PARD3B: variants seen among roughly 807,000 people sequenced by gnomAD.
PARD3B encodes par-3 family cell polarity regulator beta, also known as partitioning defective 3 homolog B.
Under a neutral mutation model 130.2 loss-of-function variants are expected in PARD3B, and 103 were observed. The ratio of observed to expected loss-of-function variants is 0.79; its 90% CI spans 0.67 to 0.93. The LOEUF is 0.93. Among genes scored for constraint, PARD3B ranks in the 40% least tolerant of loss-of-function variants. The probability of loss-of-function intolerance (pLI) is 0.00; values close to 1 mark genes in which losing one functional copy is unlikely to be tolerated. For missense variants in PARD3B, 1,609 were observed against 1,499.2 expected, an observed-to-expected ratio of 1.07 and a Z score of -1.21; for synonymous variants, 583 against 553.2, an observed-to-expected ratio of 1.05 and a Z score of -0.76.
At chr2:205,223,629 A>G (rs139452519) in intron 15 of PARD3B, among the ~76,000 whole-genome samples, 2 of 152,216 alleles carry the variant, frequency 1.3e-5, no homozygotes, top group African/African-American at 4.8e-5. Context: ...AAAAAAACCA[A>G]CCAACCAACC....
chr2:205,236,572 T>C (rs2125903982), intron 15 of PARD3B, among the ~76,000 whole-genome samples: 1 of 152,184 alleles, frequency 6.6e-6, no homozygotes, highest in South Asian at 2.1e-4. Context: ...TGTGAGAAAA[T>C]AAATTTGTCC....
At chr2:204,924,275 ACTTT>A (rs992511232) in intron 2 of PARD3B, among the ~76,000 whole-genome samples, 1 of 152,058 alleles carries the variant, frequency 6.6e-6, no homozygotes, top group African/African-American at 2.4e-5. Context: ...GGGAGAAGAT[ACTTT>A]CTTCTTCATG....
chr2:204,631,497 T>C (rs1407971516), intron 1 of PARD3B, among the ~76,000 whole-genome samples: 3 of 152,126 alleles, frequency 2.0e-5, no homozygotes, highest in Admixed American at 6.6e-5. Flanking sequence ...ATCTGCGTGC[T>C]TCAGCCTCCC....
At chr2:205,076,688 G>A (rs559786204) in intron 4 of PARD3B, among the ~76,000 whole-genome samples, 1 of 152,266 alleles carries the variant, frequency 6.6e-6, no homozygotes, top group South Asian at 2.1e-4. Flanking sequence ...ATTGTGAACT[G>A]TGGATCTAGG....
At chr2:205,134,848 C>T (rs1439319388) in intron 10 of PARD3B, among the ~76,000 whole-genome samples, 2 of 151,728 alleles carry the variant, frequency 1.3e-5, no homozygotes, top group African/African-American at 4.9e-5. Context: ...GTATGGCTTC[C>T]AGGTGTCAGA....
chr2:205,424,922 A>G (rs115362313), intron 19 of PARD3B, among the ~76,000 whole-genome samples: 342 of 152,282 alleles, frequency 2.2e-3, no homozygotes, highest in Middle Eastern at 0.01. Context: ...GCAAATATAA[A>G]CTGGGAGAAT....
At chr2:204,825,895 G>C (rs16836646) in intron 2 of PARD3B, among the ~76,000 whole-genome samples, 1 of 152,016 alleles carries the variant, frequency 6.6e-6, no homozygotes, top group Non-Finnish European at 1.5e-5. Flanking sequence ...TCGTTGTTTT[G>C]GTTGTTGAAT....
intron 15 of PARD3B, among the ~76,000 whole-genome samples, chr2:205,215,032 A>G (rs1229744392): frequency 1.3e-5 from 2 of 152,124 alleles, no homozygotes; most frequent in Non-Finnish European, 1.5e-5. Flanking sequence ...GATTGGGAAT[A>G]TCATATCTGT....
rs1467024336 is a variant in PARD3B, at chr2:205,122,228, T to C, written c.1165+279T>C. 6.6e-6 allele frequency among the ~76,000 whole-genome samples: 1 copy of C among 152,200 alleles called. No individual in the cohort carries two copies. The highest frequency in any genetic ancestry group is 1.5e-5 in the Non-Finnish European group (1 of 68,038). On this transcript the variant is annotated intron_variant, in intron 8 of 22. Transcript: ENST00000406610. The surrounding 1 kb of genome is among the most constrained non-coding windows in gnomAD (Gnocchi z 4.3). The stretch of plus-strand genomic sequence containing the variant: ...TGATATCAACAGAGCAATATTGTAT[T>C]ACAACTTAATACCAAATAGGCATGA...
intron 2 of PARD3B, among the ~76,000 whole-genome samples, chr2:204,786,857 C>G (rs767317877): frequency 1.3e-5 from 2 of 151,740 alleles, no homozygotes; most frequent in African/African-American, 2.4e-5. Context: ...AAGCATTTCG[C>G]TCTCATTCTC....
At chr2:205,022,135 GTTATA>G (rs987161266) in intron 3 of PARD3B, among the ~76,000 whole-genome samples, 1 of 152,086 alleles carries the variant, frequency 6.6e-6, no homozygotes, top group Non-Finnish European at 1.5e-5. Context: ...TATTTTAAAT[GTTATA>G]TTATTGTGTC....
chr2:205,018,313 C>T (rs532461301), intron 3 of PARD3B, among the ~76,000 whole-genome samples: 2 of 152,208 alleles, frequency 1.3e-5, no homozygotes, highest in Admixed American at 1.3e-4. Flanking sequence ...ATTGTATCTA[C>T]TTATTTACCT....
chr2:204,861,720 C>T (rs1485984753), intron 2 of PARD3B, among the ~76,000 whole-genome samples: 3 of 151,826 alleles, frequency 2.0e-5, no homozygotes, highest in Non-Finnish European at 4.4e-5. Flanking sequence ...TTTTCTCAGT[C>T]TGTAGAAGAC....
chr2:205,315,983 T>C (rs1252093429), intron 18 of PARD3B, among the ~76,000 whole-genome samples: 3 of 152,132 alleles, frequency 2.0e-5, no homozygotes, highest in Admixed American at 1.3e-4. Context: ...CTTAATGAAA[T>C]TGTAAATTCC....
At chr2:205,126,752 CAAAAAAAAAAAAAAAAAAAAA>C (rs4045004) in intron 10 of PARD3B, among the ~76,000 whole-genome samples, 3 of 74,454 alleles carry the variant, frequency 4.0e-5, no homozygotes, top group South Asian at 5.9e-4. Flanking sequence ...GACTCCGTCT[CAAAAAAAAAAAAAAAAAAAAA>C]AAAAAAAAAA....
At chr2:204,553,229 A>G (rs192779174) in intron 1 of PARD3B, among the ~76,000 whole-genome samples, 58 of 152,304 alleles carry the variant, frequency 3.8e-4, no homozygotes, top group African/African-American at 1.2e-3. Context: ...TCCTGCAAGA[A>G]TGGCCATCAT....
At chr2:204,725,200 CA>C (rs1367868252) in intron 2 of PARD3B, among the ~76,000 whole-genome samples, 4 of 152,024 alleles carry the variant, frequency 2.6e-5, no homozygotes, top group African/African-American at 9.7e-5. Flanking sequence ...CTTAATCAGA[CA>C]GTAGAGGGAA....
At chr2:205,331,782 C>CAAAAAAAAA (rs56654511) in intron 18 of PARD3B, among the ~76,000 whole-genome samples, 503 of 48,246 alleles carry the variant, frequency 0.01, 67 homozygotes, top group East Asian at 0.016. Context: ...GACTCCGTCT[C>CAAAAAAAAA]AAAAAAAAAA....
intron 6 of PARD3B, among the ~76,000 whole-genome samples, chr2:205,117,995 T>C (rs1260516300): frequency 6.6e-6 from 1 of 151,928 alleles, no homozygotes; most frequent in Non-Finnish European, 1.5e-5. Context: ...TTTCCTTCTC[T>C]TCCAACCCTC....
Sources: allele counts gnomAD v4.1 joint callset (sites outside exome capture counted in the v4.1 genomes callset), GRCh38; gene constraint gnomAD v4.1.1; non-coding constraint Gnocchi (gnomAD v3.1); transcripts MANE v1.5; gene names NCBI Gene and HGNC (gene_info 2026-07-23, HGNC 2026-07-21).